SLC27A6: variants seen among roughly 807,000 people sequenced by gnomAD.
SLC27A6 encodes the protein solute carrier family 27 member 6.
A neutral mutation model predicts 63.9 loss-of-function variants in SLC27A6; 74 were observed. The observed-to-expected ratio is 1.16, with a 90% CI of 0.96 to 1.40. The LOEUF (loss-of-function observed/expected upper bound fraction) is 1.40, where lower values mean the gene tolerates loss of function less well. Ranked by LOEUF, SLC27A6 falls within the 40% of genes most tolerant of loss-of-function variation. SLC27A6 has a pLI of 0.00. For missense variants in SLC27A6, 794 were observed against 732.9 expected, an observed-to-expected ratio of 1.08 and a Z score of -0.96; for synonymous variants, 287 against 260.8, an observed-to-expected ratio of 1.10 and a Z score of -0.97.
intron 4 of SLC27A6, among the ~76,000 whole-genome samples, chr5:129,007,244 G>T (rs748252778): frequency 3.0e-4 from 45 of 151,904 alleles, no homozygotes; most frequent in Non-Finnish European, 5.3e-4. Context: ...AGGAGTTCAG[G>T]ACCAGCCTGG....
chr5:129,016,073 T>C lies in SLC27A6; in HGVS notation c.1158T>C (p.Phe386=). Residue 386 remains phenylalanine, a synonymous_variant, in exon 5 of 10, where the codon TTT becomes TTC. Coordinates refer to ENST00000262462, the MANE Select transcript of SLC27A6 (RefSeq NM_001017372.3). ...GAGCAATTGGGAGAACAAATTTGTTTTACAAAGTAAGTACAGCATTTTCCT... is the reference window on the plus strand; with the variant it reads ...GAGCAATTGGGAGAACAAATTTGTTCTACAAAGTAAGTACAGCATTTTCCT... ...RIGAIGRTNL[F]YKLLSTFDLI... The C allele has an allele frequency of 6.3e-7, 1 of 1,591,174 alleles. No individual in the cohort carries two copies. Among genetic ancestry groups the C allele is most frequent in the Non-Finnish European group, 8.5e-7 (1 of 1,172,528 alleles).
At chr5:128,981,683 G>T (rs187519486) in intron 1 of SLC27A6, among the ~76,000 whole-genome samples, 161 of 152,214 alleles carry the variant, frequency 1.1e-3, no homozygotes, top group African/African-American at 3.6e-3. Flanking sequence ...CAATGGTAAT[G>T]CAGTGAAGCA....
At chr5:129,007,599 A>G (rs1418507254) in intron 4 of SLC27A6, among the ~76,000 whole-genome samples, 3 of 152,136 alleles carry the variant, frequency 2.0e-5, no homozygotes, top group Non-Finnish European at 4.4e-5. Flanking sequence ...ATTAAACACA[A>G]TATATTTTCT....
chr5:128,995,726 G>A (rs1225468961), intron 4 of SLC27A6, among the ~76,000 whole-genome samples: 1 of 152,128 alleles, frequency 6.6e-6, no homozygotes, highest in Non-Finnish European at 1.5e-5. Context: ...AGAGAAGGAG[G>A]GTATGCTGGG....
At chr5:129,009,711 G>C (rs1751663398) in intron 4 of SLC27A6, among the ~76,000 whole-genome samples, 1 of 151,522 alleles carries the variant, frequency 6.6e-6, no homozygotes, top group South Asian at 2.1e-4. Flanking sequence ...GTGTCACTCT[G>C]TTGCCCCGGC....
At chr5:129,017,201 T>A (rs1239913136) in intron 5 of SLC27A6, among the ~76,000 whole-genome samples, 2 of 152,162 alleles carry the variant, frequency 1.3e-5, no homozygotes, top group Non-Finnish European at 2.9e-5. Context: ...AGTTAGGTAA[T>A]TCCAACAAAT....
chr5:129,018,540 C>G (rs190128536), intron 5 of SLC27A6, among the ~76,000 whole-genome samples: 39 of 152,062 alleles, frequency 2.6e-4, no homozygotes, highest in African/African-American at 7.9e-4. Context: ...TTATTCTGAA[C>G]GAAAGCATTT....
chr5:128,967,435 A>G lies in SLC27A6; in HGVS notation c.481+817A>G, dbSNP rs76810588. ...TATGCAGAGTCTTCTTCAATGGGGA[A>G]GGAAGGTGCGGAAAGAGGAAGATCC... On this transcript the variant is annotated intron_variant, in intron 1 of 9. Transcript: ENST00000262462. Among the ~76,000 whole-genome samples the G allele has an allele frequency of 2.8e-3, 430 of 152,326 alleles. 3 individuals are homozygous for G. Among genetic ancestry groups the G allele is most frequent in the African/African-American group, 9.6e-3 (401 of 41,572 alleles).
intron 4 of SLC27A6, among the ~76,000 whole-genome samples, chr5:129,005,682 G>A (rs991112808): frequency 7.4e-5 from 10 of 135,630 alleles, no homozygotes; most frequent in African/African-American, 2.6e-4. Flanking sequence ...GCCTGATCTC[G>A]GCTCACTGCA....
Position 129,028,422 on chromosome 5 carries a change from T to C in SLC27A6, c.1532T>C (p.Val511Ala), listed in dbSNP as rs1262204984. ...GMLDFIQEAN[V>A]YGVAISGYEG... is the part of the protein sequence containing the mutation. ...TTGGATTTCATACAGGAAGCAAACG[T>C]CTATGGTGTGGCTATATCAGGTATA... Residue 511 changes from valine (V) to alanine (A), a missense_variant, in exon 8 of 10, where the codon GTC (valine) becomes GCC (alanine). Transcript: ENST00000262462. 6.2e-7 allele frequency: 1 copy of C among 1,602,452 alleles called. No homozygotes were observed. The highest frequency in any genetic ancestry group is 1.7e-5 in the Admixed American group (1 of 59,682).
At chr5:128,969,342 A>T (rs1443472662) in intron 1 of SLC27A6, among the ~76,000 whole-genome samples, 1 of 152,256 alleles carries the variant, frequency 6.6e-6, no homozygotes, top group South Asian at 2.1e-4. Context: ...TGAATCTATA[A>T]GTTACCTTGG....
At chr5:128,982,201 A>G (rs1051037625) in intron 1 of SLC27A6, among the ~76,000 whole-genome samples, 3 of 152,122 alleles carry the variant, frequency 2.0e-5, no homozygotes, top group Non-Finnish European at 4.4e-5. Context: ...TGACTCTTTT[A>G]TTTTAACTTT....
At position 129,027,210 on chromosome 5, in the gene SLC27A6, A is replaced by G; in HGVS notation, c.1333A>G (p.Lys445Glu). The G allele has an allele frequency of 9.3e-6, 15 of 1,613,532 alleles. No homozygotes were observed. Among genetic ancestry groups the G allele is most frequent in the Non-Finnish European group, 1.3e-5 (15 of 1,179,582 alleles). The change falls in exon 7 of 10, where the codon AAA becomes GAA. Residue 445 changes from lysine to glutamate, a missense_variant. Physicochemically the swap from Lys to Glu is moderately conservative, Grantham distance 56. Transcript: ENST00000262462. ...FGYAGPYKHT[K>E]DKLLCDVFKK... is the part of the protein sequence containing the mutation. Reference sequence around the variant, plus strand: ...CTATGCTGGGCCTTATAAGCACACAAAAGACAAATTGCTTTGTGATGTTTT... The same window carrying G: ...CTATGCTGGGCCTTATAAGCACACAGAAGACAAATTGCTTTGTGATGTTTT...
At chr5:128,999,051 C>T (rs1369565934) in intron 4 of SLC27A6, among the ~76,000 whole-genome samples, 1 of 152,082 alleles carries the variant, frequency 6.6e-6, no homozygotes, top group African/African-American at 2.4e-5. Flanking sequence ...TAACCAACAA[C>T]CATGTCTTAT....
At chr5:129,028,528 C>T in intron 8 of SLC27A6, 86 bp downstream of exon 8, 1 of 788,084 alleles carries the variant, frequency 1.3e-6, no homozygotes, top group Non-Finnish European at 2.1e-6. Context: ...GCTAATTCAA[C>T]ATTTTAATTT....
intron 4 of SLC27A6, among the ~76,000 whole-genome samples, chr5:129,001,090 C>T (rs75770088): frequency 0.019 from 2,909 of 152,208 alleles, 95 homozygotes; most frequent in African/African-American, 0.066. Flanking sequence ...TCTCTGAAAC[C>T]ACGGCCCACC....
intron 1 of SLC27A6, among the ~76,000 whole-genome samples, chr5:128,970,147 T>G (rs62399672): frequency 0.19 from 26,382 of 136,016 alleles, 3,338 homozygotes; most frequent in Middle Eastern, 0.29. Context: ...TTTTTGATGT[T>G]CTGCTGGATT....
At chr5:128,992,055 G>T (rs1049886652) in intron 4 of SLC27A6, among the ~76,000 whole-genome samples, 11 of 150,610 alleles carry the variant, frequency 7.3e-5, no homozygotes, top group African/African-American at 2.7e-4. Flanking sequence ...TTTATTATCT[G>T]ATTATTTTAA....
intron 1 of SLC27A6, among the ~76,000 whole-genome samples, chr5:128,967,556 G>GA (rs1749953526): frequency 6.6e-6 from 1 of 151,968 alleles, no homozygotes; most frequent in Non-Finnish European, 1.5e-5. Flanking sequence ...GAACAATATG[G>GA]AAAAATATAT....
Sources: allele counts gnomAD v4.1 joint callset (sites outside exome capture counted in the v4.1 genomes callset), GRCh38; gene constraint gnomAD v4.1.1; transcripts MANE v1.5; gene names NCBI Gene and HGNC (gene_info 2026-07-23, HGNC 2026-07-21).